The following KLF12 variants were observed in gnomAD, a reference collection of about 807,000 sequenced individuals.
KLF12 encodes Krueppel-like factor 12.
A neutral mutation model predicts 37.8 loss-of-function variants in KLF12; 9 were observed. That is an observed-to-expected ratio of 0.24 (90% CI 0.14 to 0.42). The LOEUF (loss-of-function observed/expected upper bound fraction) is 0.42. Ranked by LOEUF, KLF12 falls within the 10% of genes least tolerant of loss-of-function variation. The pLI is 1.00. For synonymous variants in KLF12, 208 were observed against 202.1 expected, an observed-to-expected ratio of 1.03 and a Z score of -0.25; for missense variants, 411 against 516.0, an observed-to-expected ratio of 0.80 and a Z score of 1.97.
the KLF12 span, among the ~76,000 whole-genome samples, chr13:74,161,068 CTTTT>C: frequency 7.2e-6 from 1 of 139,490 alleles, no homozygotes; most frequent in Non-Finnish European, 1.6e-5. Flanking sequence ...TCAGGAGAGT[CTTTT>C]TTTTTTTTTT....
At chr13:74,005,859 A>T (rs1165891588) in intron 1 of KLF12, among the ~76,000 whole-genome samples, 7 of 152,306 alleles carry the variant, frequency 4.6e-5, no homozygotes, top group Admixed American at 2.6e-4. Context: ...CATAAGCTTC[A>T]AATTACAACA....
At chr13:73,837,300 G>T (rs1241737071) in intron 4 of KLF12, among the ~76,000 whole-genome samples, 1 of 152,134 alleles carries the variant, frequency 6.6e-6, no homozygotes, top group East Asian at 1.9e-4. Context: ...CCCTGCGCCA[G>T]TTATTATCAT....
upstream of KLF12, among the ~76,000 whole-genome samples, chr13:74,134,230 G>A (rs1481279906): frequency 6.6e-6 from 1 of 151,840 alleles, no homozygotes; most frequent in African/African-American, 2.4e-5. Context: ...AAAGAGCTCC[G>A]GGTCCTCCTC....
At chr13:73,870,748 G>C (rs1355731770) in intron 3 of KLF12, among the ~76,000 whole-genome samples, 1 of 152,162 alleles carries the variant, frequency 6.6e-6, no homozygotes, top group East Asian at 1.9e-4. Context: ...ACTCAAATTA[G>C]CTACAATAAA....
the KLF12 span, among the ~76,000 whole-genome samples, chr13:74,161,222 A>C: frequency 2.6e-5 from 4 of 152,082 alleles, no homozygotes; most frequent in African/African-American, 7.2e-5. Flanking sequence ...AACTGTTATC[A>C]CCTGTAATGG....
chr13:74,242,156 T>G, the KLF12 span, among the ~76,000 whole-genome samples: 6 of 152,242 alleles, frequency 3.9e-5, no homozygotes, highest in Non-Finnish European at 8.8e-5. Flanking sequence ...AATAGTCAAA[T>G]TTTATAGAAG....
the KLF12 span, among the ~76,000 whole-genome samples, chr13:74,292,661 G>A: frequency 0.039 from 5,906 of 152,092 alleles, 174 homozygotes; most frequent in South Asian, 0.11. Context: ...CCCTTGCCTG[G>A]AATGCTTCCC....
At chr13:73,883,104 A>T (rs751983445) in intron 3 of KLF12, among the ~76,000 whole-genome samples, 24 of 152,196 alleles carry the variant, frequency 1.6e-4, no homozygotes, top group Non-Finnish European at 3.1e-4. Flanking sequence ...CATTAAAATC[A>T]ATATTATATT....
chr13:73,799,914 C>G (rs1478743034), intron 5 of KLF12, among the ~76,000 whole-genome samples: 4 of 152,084 alleles, frequency 2.6e-5, no homozygotes, highest in Admixed American at 1.3e-4. Flanking sequence ...ACACTTTCTG[C>G]TGAAAGGTCA....
intron 1 of KLF12, among the ~76,000 whole-genome samples, chr13:74,033,893 T>C (rs1330026291): frequency 6.6e-6 from 1 of 151,940 alleles, no homozygotes; most frequent in Non-Finnish European, 1.5e-5. Flanking sequence ...TGCATATATA[T>C]GTGTAGTTAT....
intron 2 of KLF12, among the ~76,000 whole-genome samples, chr13:73,958,617 A>G (rs1890922906): frequency 6.6e-6 from 1 of 152,254 alleles, no homozygotes; most frequent in Admixed American, 6.5e-5. Flanking sequence ...CTACTAGAGT[A>G]CTGAAGATTA....
At chr13:73,878,922 G>C (rs1379001042) in intron 3 of KLF12, among the ~76,000 whole-genome samples, 1 of 152,166 alleles carries the variant, frequency 6.6e-6, no homozygotes, top group African/African-American at 2.4e-5. Flanking sequence ...GCAAGGCTAT[G>C]GAGGCCCTGT....
the KLF12 span, among the ~76,000 whole-genome samples, chr13:74,275,877 T>C: frequency 1.6e-3 from 121 of 74,582 alleles, 1 homozygote; most frequent in South Asian, 8.3e-3. Flanking sequence ...TATCTTTCTT[T>C]CTTCTTTCTT....
At position 73,846,454 on chromosome 13, in the gene KLF12, T is replaced by C. The variant is rs1315769646; in HGVS notation, c.124-81A>G. On this transcript the variant is annotated intron_variant, in intron 3 of 7. Coordinates refer to ENST00000377669, the MANE Select transcript of KLF12 (RefSeq NM_007249.5). Reference sequence around the variant, plus strand: ...ATGCATGGCTTACCACTTGAACGTTTATTACTTTTTCTCTTATTGCTATGG... The same window carrying C: ...ATGCATGGCTTACCACTTGAACGTTCATTACTTTTTCTCTTATTGCTATGG... 2.9e-5 allele frequency: 37 copies of C among 1,262,414 alleles called. 1 individual carries two copies. In the South Asian group the frequency reaches 3.5e-4, roughly 12 times the overall value. The allele number at this position is 1,262,414 out of a possible 1,614,324, so 78.2% of individuals were successfully genotyped here.
chr13:73,939,453 CTA>C lies in KLF12; in HGVS notation c.123+4526_123+4527del, dbSNP rs147799359. ...GTTCCATTATTTCACATAATAAACT[CTA>C]ATCAGAATTTGAAACATTCTTCCAG... On this transcript the variant is annotated intron_variant, in intron 3 of 7. Coordinates refer to ENST00000377669, the MANE Select transcript of KLF12 (RefSeq NM_007249.5). Among the ~76,000 whole-genome samples the C allele has an allele frequency of 6.2e-3, 949 of 152,032 alleles. 11 individuals carry two copies. The highest frequency in any genetic ancestry group is 0.022 in the African/African-American group (892 of 41,440).
At chr13:74,137,407 T>TA (rs772959468), upstream of KLF12, among the ~76,000 whole-genome samples, 122 of 152,326 alleles carry the variant, frequency 8.0e-4, 1 homozygote, top group Non-Finnish European at 1.0e-3. Flanking sequence ...CCCATTTCCC[T>TA]AACTATATAT....
chr13:73,712,570 T>C (rs1289536711), intron 7 of KLF12, among the ~76,000 whole-genome samples: 2 of 152,236 alleles, frequency 1.3e-5, no homozygotes, highest in South Asian at 2.1e-4. Context: ...CATCAGAAGA[T>C]TGACTGCAAT....
At chr13:74,134,282 G>A (rs1878443223), upstream of KLF12, among the ~76,000 whole-genome samples, 2 of 152,082 alleles carry the variant, frequency 1.3e-5, no homozygotes, top group African/African-American at 2.4e-5. Context: ...GCCCCGGGGT[G>A]GGGCCGAGGG....
chr13:73,713,805 G>C (rs887179135), intron 7 of KLF12, among the ~76,000 whole-genome samples: 2 of 152,230 alleles, frequency 1.3e-5, no homozygotes, highest in African/African-American at 4.8e-5. Flanking sequence ...ACTTGGGTAA[G>C]AGGAGTGGAG....
Sources: gnomAD v4.1 joint callset for allele counts (sites outside exome capture counted in the v4.1 genomes callset) on GRCh38, gnomAD v4.1.1 for gene constraint, MANE v1.5 for transcripts, NCBI Gene and HGNC (gene_info 2026-07-23, HGNC 2026-07-21) for gene names.